ARID3B: variants seen among roughly 807,000 people sequenced by gnomAD.
The protein encoded by ARID3B is AT-rich interaction domain 3B.
In ARID3B, 10 loss-of-function variants were observed where a neutral mutation model predicts 51.9. The ratio of observed to expected loss-of-function variants is 0.19; its 90% CI spans 0.12 to 0.33. The LOEUF is 0.33. ARID3B is among the 10% of genes least tolerant of loss of function. The pLI is 1.00. For synonymous variants in ARID3B, 205 were observed against 279.5 expected, an observed-to-expected ratio of 0.73 and a Z score of 2.66; for missense variants, 483 against 716.3, an observed-to-expected ratio of 0.67 and a Z score of 3.72.
In ARID3B at chr15:74,541,263, C is replaced by A. The variant is rs921382387; in HGVS notation, c.-145C>A. The A allele has an allele frequency of 9.8e-5, 14 of 143,348 alleles. No homozygotes were observed. The highest frequency in any genetic ancestry group is 3.6e-4 in the African/African-American group (14 of 39,420). The allele number at this position is 143,348 out of a possible 1,614,324, so 8.9% of individuals were successfully genotyped here. On this transcript the variant is annotated 5_prime_UTR_variant, in exon 1 of 9. Transcript: ENST00000346246. The stretch of plus-strand genomic sequence containing the variant: ...CCCGGCTGCGGAGGAGTCCGAGACG[C>A]AGCTGCCGCGCCGGGGCCTGAGCTG...
intron 2 of ARID3B, among the ~76,000 whole-genome samples, chr15:74,551,096 C>T (rs1019130497): frequency 6.6e-6 from 1 of 152,174 alleles, no homozygotes; most frequent in Non-Finnish European, 1.5e-5. Flanking sequence ...TTTCACATCT[C>T]GTAAATTTTG....
intron 2 of ARID3B, among the ~76,000 whole-genome samples, chr15:74,563,838 T>A (rs530337903): frequency 6.6e-6 from 1 of 152,310 alleles, no homozygotes; most frequent in South Asian, 2.1e-4. Flanking sequence ...TGTATTTTAG[T>A]TTTTCTGCCA....
chr15:74,591,506 GT>G lies in ARID3B; in HGVS notation c.1166-50del, dbSNP rs376538273. On this transcript the variant is annotated intron_variant, in intron 6 of 8. Transcript: ENST00000346246. This position sits in a 1 kb window ranked among gnomAD's most constrained non-coding sequence, Gnocchi z 5.8. ...CCAGTTCCCTGTGTTCAAGACTGGG[GT>G]TTTGGGGCAAGAGGGTCAATTGTGG... 28 of 1,594,548 alleles carry G rather than the reference GT, an allele frequency of 1.8e-5. No individual in the cohort carries two copies. In the African/African-American group the frequency reaches 3.2e-4, roughly 18 times the overall value.
At chr15:74,575,405 A>G (rs887677498) in intron 4 of ARID3B, among the ~76,000 whole-genome samples, 1 of 152,200 alleles carries the variant, frequency 6.6e-6, no homozygotes. Flanking sequence ...TCATGTCCCC[A>G]GTGCTAGCAC....
intron 4 of ARID3B, among the ~76,000 whole-genome samples, chr15:74,581,254 A>G (rs1010029772): frequency 2.0e-5 from 3 of 152,186 alleles, no homozygotes; most frequent in African/African-American, 4.8e-5. Flanking sequence ...TGATGTGTAT[A>G]TACAAAGAAT....
rs572861926 is a variant in ARID3B at position 74,544,481 on chromosome 15, T to C, written c.545T>C (p.Leu182Pro). 13 of 1,613,186 alleles carry C rather than the reference T, an allele frequency of 8.1e-6. No individual in the cohort carries two copies. The South Asian group carries it at 1.2e-4, about 15-fold the overall frequency. Residue 182 changes from leucine (L) to proline (P), a missense_variant, in exon 2 of 9, where the codon CTC becomes CCC. This residue lies in a region of ARID3B where 182 missense variants were observed against 244.5 expected (regional missense o/e 0.74). Transcript: ENST00000346246. ...CCGAACTGGAATCTGGATGAGCAGC[T>C]CAAGCAGGTCAGTCTTTCTGGTATT... The part of the protein sequence containing the change: ...GQPNWNLDEQ[L>P]KQNGGLAWSD...
intron 4 of ARID3B, chr15:74,574,072 C>G (rs1317016085): frequency 6.6e-6 from 1 of 152,306 alleles, no homozygotes; most frequent in Non-Finnish European, 1.5e-5. Context: ...AATGCACCCT[C>G]CCAATTCTCT....
chr15:74,565,435 G>A (rs897867397), intron 2 of ARID3B, among the ~76,000 whole-genome samples: 7 of 152,188 alleles, frequency 4.6e-5, no homozygotes, highest in Non-Finnish European at 8.8e-5. Context: ...CAGTTTCTGA[G>A]AGGTTCCAAA....
At chr15:74,570,402 A>G (rs1351156208) in intron 2 of ARID3B, among the ~76,000 whole-genome samples, 2 of 142,192 alleles carry the variant, frequency 1.4e-5, no homozygotes, top group African/African-American at 2.6e-5. Context: ...TTTCCACCCA[A>G]CTGAGTGTTA....
At chr15:74,548,491 G>A (rs1034603749) in intron 2 of ARID3B, among the ~76,000 whole-genome samples, 5 of 152,144 alleles carry the variant, frequency 3.3e-5, no homozygotes, top group African/African-American at 1.2e-4. Flanking sequence ...TGAAAGCACT[G>A]GGAGCCATTG....
intron 8 of ARID3B, 99 bp downstream of exon 8, chr15:74,593,335 C>A: frequency 9.5e-7 from 1 of 1,054,408 alleles, no homozygotes; most frequent in Non-Finnish European, 1.4e-6. Flanking sequence ...CTGAACACCT[C>A]CCACAGTGGC....
chr15:74,546,715 G>A lies in ARID3B; in HGVS notation c.552+2227G>A, dbSNP rs141836615. Among the ~76,000 whole-genome samples the A allele has an allele frequency of 7.6e-4, 116 of 152,318 alleles. 1 individual carries two copies. Among genetic ancestry groups the A allele is most frequent in the African/African-American group, 2.7e-3 (112 of 41,570 alleles). On this transcript the variant is annotated intron_variant, in intron 2 of 8. Coordinates refer to ENST00000346246, the MANE Select transcript of ARID3B (RefSeq NM_006465.4). Reference sequence around the variant, plus strand: ...TTATAGACTGCTTGGCAGAGCACCTGCCAAAATGTTTTATAAATACCACAG... The same window carrying A: ...TTATAGACTGCTTGGCAGAGCACCTACCAAAATGTTTTATAAATACCACAG...
At position 74,576,562 on chromosome 15, in the gene ARID3B, G is replaced by A. The variant is rs1042001242; in HGVS notation, c.697+3358G>A. On this transcript the variant is annotated intron_variant, in intron 4 of 8. Transcript: ENST00000346246. ...AGTCCCAAGCTACTTGGGAGGCTGA[G>A]GTGGGCAAATTGCTCGAGCCGGGGA... 4.6e-5 allele frequency among the ~76,000 whole-genome samples: 7 copies of A among 152,142 alleles called. No homozygotes were observed. In the South Asian group the frequency reaches 1.2e-3, roughly 27 times the overall value.
chr15:74,597,722 A>G lies in ARID3B; in HGVS notation c.*1948A>G, dbSNP rs2061833728. On this transcript the variant is annotated 3_prime_UTR_variant, in exon 9 of 9. Coordinates refer to ENST00000346246, the MANE Select transcript of ARID3B (RefSeq NM_006465.4). ...CAAAGGATGGACTCTTCCCACCCAGAGGATGCAGGGAAAGCACACTGTGTC... is the reference window on the plus strand; with the variant it reads ...CAAAGGATGGACTCTTCCCACCCAGGGGATGCAGGGAAAGCACACTGTGTC... The G allele has an allele frequency of 4.2e-6, 2 of 480,310 alleles. No homozygotes were observed. Among genetic ancestry groups the G allele is most frequent in the South Asian group, 3.5e-5 (2 of 57,224 alleles). The allele number at this position is 480,310 out of a possible 1,614,324, so 29.8% of individuals were successfully genotyped here.
chr15:74,543,772 T>C, intron 1 of ARID3B, 88 bp from the exon 2 acceptor site: 1 of 821,524 alleles, frequency 1.2e-6, no homozygotes, highest in Non-Finnish European at 1.9e-6. Flanking sequence ...CTCATGGCCC[T>C]CTACTGGAGA....
At chr15:74,567,227 T>C (rs2061702517) in intron 2 of ARID3B, among the ~76,000 whole-genome samples, 1 of 152,188 alleles carries the variant, frequency 6.6e-6, no homozygotes, top group Non-Finnish European at 1.5e-5. Flanking sequence ...ACATGCCTTG[T>C]TTATACCCCA....
chr15:74,586,309 C>G (rs965172839), intron 4 of ARID3B, among the ~76,000 whole-genome samples: 2 of 152,236 alleles, frequency 1.3e-5, no homozygotes, highest in East Asian at 3.8e-4. Flanking sequence ...ACCTTGACTT[C>G]AGACACCACT....
intron 1 of ARID3B, among the ~76,000 whole-genome samples, chr15:74,541,685 A>C (rs1256223923): frequency 9.2e-6 from 1 of 108,210 alleles, no homozygotes; most frequent in African/African-American, 3.6e-5. Flanking sequence ...TGAATAAAGA[A>C]TGGGGGGAGG....
chr15:74,593,291 A>T (rs768953114), intron 8 of ARID3B, 55 bp downstream of exon 8: 1 of 1,519,404 alleles, frequency 6.6e-7, no homozygotes, highest in South Asian at 1.2e-5. Flanking sequence ...GCCACAGGGC[A>T]GCTCTGCGGC....
Sources: gnomAD v4.1 joint callset for allele counts (sites outside exome capture counted in the v4.1 genomes callset) on GRCh38, gnomAD v4.1.1 for gene constraint, gnomAD v4.1.1 regional missense constraint, Gnocchi (gnomAD v3.1) non-coding constraint, MANE v1.5 for transcripts, NCBI Gene and HGNC (gene_info 2026-07-23, HGNC 2026-07-21) for gene names.